Variants in NDFIP2 observed in about 807,000 individuals in gnomAD.
NDFIP2 encodes the protein Nedd4 family interacting protein 2, also known as NEDD4 family-interacting protein 2.
A neutral mutation model predicts 36.0 loss-of-function variants in NDFIP2; 19 were observed. The observed-to-expected ratio is 0.53, with a 90% CI of 0.37 to 0.77. NDFIP2 has a LOEUF of 0.77. NDFIP2 is among the 30% of genes least tolerant of loss of function. The probability of loss-of-function intolerance (pLI) is 0.00; values close to 1 mark genes in which losing one functional copy is unlikely to be tolerated. For synonymous variants in NDFIP2, 181 were observed against 167.7 expected, an observed-to-expected ratio of 1.08 and a Z score of -0.61; for missense variants, 446 against 435.8, an observed-to-expected ratio of 1.02 and a Z score of -0.21.
intron 1 of NDFIP2, among the ~76,000 whole-genome samples, chr13:79,486,737 T>C (rs1873007594): frequency 6.6e-6 from 1 of 152,174 alleles, no homozygotes; most frequent in Non-Finnish European, 1.5e-5. Context: ...GTTGAGGACA[T>C]TCATGTACTG....
intron 1 of NDFIP2, among the ~76,000 whole-genome samples, chr13:79,489,253 G>A (rs568907577): frequency 2.2e-4 from 33 of 152,308 alleles, no homozygotes; most frequent in African/African-American, 7.7e-4. Flanking sequence ...CTTGGCTGCA[G>A]TTGATGTTGT....
chr13:79,514,631 A>T (rs1052235189), intron 1 of NDFIP2, among the ~76,000 whole-genome samples: 1 of 152,200 alleles, frequency 6.6e-6, no homozygotes, highest in African/African-American at 2.4e-5. Context: ...CTAAGCAGTG[A>T]GGGTTAGGAG....
At chr13:79,520,561 A>T (rs1441833868) in intron 1 of NDFIP2, among the ~76,000 whole-genome samples, 3 of 152,136 alleles carry the variant, frequency 2.0e-5, no homozygotes, top group African/African-American at 7.2e-5. Context: ...TTTCTTTGTA[A>T]ATTCTTAATT....
intron 6 of NDFIP2, among the ~76,000 whole-genome samples, chr13:79,548,879 G>T (rs1036478063): frequency 2.0e-5 from 3 of 151,962 alleles, no homozygotes; most frequent in African/African-American, 7.2e-5. Context: ...CTGTTGAGTT[G>T]TCTTCCTATA....
chr13:79,516,610 T>C (rs1874346101), intron 1 of NDFIP2, among the ~76,000 whole-genome samples: 1 of 152,244 alleles, frequency 6.6e-6, no homozygotes, highest in Non-Finnish European at 1.5e-5. Context: ...AATATGATAG[T>C]ATACATATTC....
chr13:79,484,206 G>C (rs1027856465), intron 1 of NDFIP2, among the ~76,000 whole-genome samples: 4 of 151,820 alleles, frequency 2.6e-5, no homozygotes, highest in Admixed American at 2.6e-4. Context: ...GTAGAGATGG[G>C]GTTTCAGCAT....
chr13:79,523,893 C>T (rs376806827), intron 2 of NDFIP2, among the ~76,000 whole-genome samples: 21 of 152,280 alleles, frequency 1.4e-4, no homozygotes, highest in East Asian at 9.6e-4. Flanking sequence ...GGTTATTTTG[C>T]TGAAACCTTT....
intron 3 of NDFIP2, 77 bp downstream of exon 3, chr13:79,533,533 G>C (rs911833999): frequency 1.5e-6 from 2 of 1,348,592 alleles, no homozygotes; most frequent in Non-Finnish European, 2.0e-6. Context: ...ACTAAAAACA[G>C]TTCTTTGTGT....
At chr13:79,541,098 T>C (rs1594858685) in intron 4 of NDFIP2, among the ~76,000 whole-genome samples, 2 of 152,106 alleles carry the variant, frequency 1.3e-5, no homozygotes. Context: ...AAACATTCAT[T>C]ACTTTCATTG....
chr13:79,543,536 G>T (rs1875541943), intron 4 of NDFIP2, 22 bp from the exon 5 acceptor site: 1 of 1,612,472 alleles, frequency 6.2e-7, no homozygotes, highest in Admixed American at 1.7e-5. Context: ...GTTTATAAAA[G>T]AACGGTTTCT....
chr13:79,546,888 T>G (rs1159931491), intron 5 of NDFIP2, among the ~76,000 whole-genome samples: 2 of 152,116 alleles, frequency 1.3e-5, no homozygotes, highest in Non-Finnish European at 2.9e-5. Context: ...TGTTAATCAC[T>G]TGACTAAAAA....
intron 1 of NDFIP2, among the ~76,000 whole-genome samples, chr13:79,516,704 C>T (rs201500898): frequency 1.3e-5 from 2 of 152,068 alleles, no homozygotes; most frequent in East Asian, 3.9e-4. Flanking sequence ...GTCTAACCTA[C>T]ATCCAAATTA....
At chr13:79,541,881 C>G (rs1179070822) in intron 4 of NDFIP2, among the ~76,000 whole-genome samples, 2 of 151,990 alleles carry the variant, frequency 1.3e-5, no homozygotes, top group African/African-American at 2.4e-5. Flanking sequence ...CCTCACATAA[C>G]CTAAAAAAAG....
intron 2 of NDFIP2, 143 bp downstream of exon 2, chr13:79,521,118 TATAA>T: frequency 4.4e-6 from 3 of 674,900 alleles, no homozygotes; most frequent in South Asian, 2.4e-5. Flanking sequence ...TGTGTGCACA[TATAA>T]ATATACAGAT....
chr13:79,521,845 C>T (rs1259056091), intron 2 of NDFIP2, among the ~76,000 whole-genome samples: 2 of 131,664 alleles, frequency 1.5e-5, no homozygotes, highest in African/African-American at 5.7e-5. Context: ...TTTTTTGAGA[C>T]GGAGTCTTAC....
intron 1 of NDFIP2, among the ~76,000 whole-genome samples, chr13:79,505,536 G>A (rs763592635): frequency 2.4e-4 from 36 of 151,692 alleles, no homozygotes; most frequent in Middle Eastern, 6.8e-3. Context: ...AGGCTGAGGC[G>A]GGAGGATTGC....
intron 1 of NDFIP2, among the ~76,000 whole-genome samples, chr13:79,490,440 T>G (rs999232115): frequency 2.0e-4 from 30 of 151,736 alleles, no homozygotes; most frequent in Non-Finnish European, 1.8e-4. Flanking sequence ...TTACTTGGGG[T>G]GGTGGTGGTG....
intron 2 of NDFIP2, among the ~76,000 whole-genome samples, chr13:79,524,188 G>C (rs74772608): frequency 3.3e-5 from 5 of 151,984 alleles, no homozygotes; most frequent in Admixed American, 2.6e-4. Flanking sequence ...AACACTTCTT[G>C]ATGGCCATCA....
At chr13:79,482,988 CA>C (rs2079824255) in intron 1 of NDFIP2, among the ~76,000 whole-genome samples, 1 of 152,176 alleles carries the variant, frequency 6.6e-6, no homozygotes, top group African/African-American at 2.4e-5. Context: ...AAACTTGTTT[CA>C]TTTTTCCTAC....
Sources: gnomAD v4.1 joint callset for allele counts (sites outside exome capture counted in the v4.1 genomes callset) on GRCh38, gnomAD v4.1.1 for gene constraint, MANE v1.5 for transcripts, NCBI Gene and HGNC (gene_info 2026-07-23, HGNC 2026-07-21) for gene names.